FIG4: variants seen among roughly 807,000 people sequenced by gnomAD.
The protein encoded by FIG4 is polyphosphoinositide phosphatase.
Under a neutral mutation model 118.6 loss-of-function variants are expected in FIG4, and 112 were observed. That is an observed-to-expected ratio of 0.94 (90% CI 0.81 to 1.11). FIG4 has a LOEUF of 1.11. Among genes scored for constraint, FIG4 ranks in the 50% least tolerant of loss-of-function variants. The pLI is 0.00. For missense variants in FIG4, 969 were observed against 1,111.7 expected (o/e 0.87, Z 1.83); for synonymous variants, 369 against 381.2 (o/e 0.97, Z 0.37).
intron 12 of FIG4, among the ~76,000 whole-genome samples, chr6:109,762,670 T>C (rs975861873): frequency 6.6e-6 from 1 of 151,698 alleles, no homozygotes; most frequent in Non-Finnish European, 1.5e-5. Context: ...ATTTATGGCA[T>C]TTTATTTTCA....
intron 21 of FIG4, among the ~76,000 whole-genome samples, chr6:109,793,168 G>T (rs1030516249): frequency 1.3e-5 from 2 of 152,198 alleles, no homozygotes; most frequent in Non-Finnish European, 2.9e-5. Flanking sequence ...ATGCATGCAG[G>T]TATCTGCACT....
intron 15 of FIG4, among the ~76,000 whole-genome samples, chr6:109,769,323 G>A (rs541371755): frequency 6.6e-6 from 1 of 152,110 alleles, no homozygotes; most frequent in Admixed American, 6.5e-5. Flanking sequence ...AAAAGATAAA[G>A]ATATTCTGAG....
intron 9 of FIG4, 60 bp from the exon 10 acceptor site, chr6:109,743,614 CT>C: frequency 1.6e-6 from 2 of 1,277,282 alleles, no homozygotes; most frequent in Non-Finnish European, 2.3e-6. Context: ...CAACCCTATG[CT>C]TCTTTTATTT....
Position 109,765,404 on chromosome 6 carries a change from T to C in FIG4, c.1583+243T>C, listed in dbSNP as rs369115929. Among the ~76,000 whole-genome samples the C allele has an allele frequency of 1.3e-3, 192 of 152,310 alleles. 1 individual carries two copies. The South Asian group carries it at 0.022, about 17-fold the overall frequency. The stretch of plus-strand genomic sequence containing the variant: ...TTTTTGTATACGTTAAGAGACGGGT[T>C]CAGTTTCATTCTTCAGCATATGAAT... On this transcript the variant is annotated intron_variant, in intron 14 of 22. Coordinates refer to ENST00000230124, the MANE Select transcript of FIG4 (RefSeq NM_014845.6).
intron 5 of FIG4, among the ~76,000 whole-genome samples, chr6:109,734,583 T>C (rs952455370): frequency 2.0e-5 from 3 of 151,856 alleles, no homozygotes; most frequent in Non-Finnish European, 2.9e-5. Flanking sequence ...AAAATTGTAA[T>C]GAAATTTAAT....
chr6:109,713,306 G>A (rs1186467739), intron 1 of FIG4, among the ~76,000 whole-genome samples: 3 of 152,242 alleles, frequency 2.0e-5, no homozygotes, highest in South Asian at 2.1e-4. Flanking sequence ...AGGCAGCATG[G>A]CTGAGGGGGC....
In FIG4 at chr6:109,796,774, G is replaced by A. The variant is rs768773104; in HGVS notation, c.2469G>A (p.Gln823=). 1 of 1,605,932 alleles carries A rather than the reference G, an allele frequency of 6.2e-7. No individual in the cohort carries two copies. The highest frequency in any genetic ancestry group is 8.5e-7 in the Non-Finnish European group (1 of 1,172,560). The part of the protein sequence containing the change: ...EDFSIYSRFV[Q]LGQSQHKQDK... ...CCATTGTAATTTGTAGATTTGTTCAGCTGGGGCAGAGTCAACATAAACAAG... is the reference window on the plus strand; with the variant it reads ...CCATTGTAATTTGTAGATTTGTTCAACTGGGGCAGAGTCAACATAAACAAG... Residue 823 remains glutamine, a synonymous_variant, in exon 22 of 23, where the codon CAG becomes CAA. Transcript: ENST00000230124.
intron 1 of FIG4, among the ~76,000 whole-genome samples, chr6:109,713,897 CAGACCA>C (rs1775348036): frequency 6.6e-6 from 1 of 152,124 alleles, no homozygotes; most frequent in African/African-American, 2.4e-5. Context: ...GAGAGGTCAG[CAGACCA>C]AGGGGTGCTC....
At chr6:109,818,515 T>TA (rs1166671282) in intron 22 of FIG4, among the ~76,000 whole-genome samples, 1 of 152,196 alleles carries the variant, frequency 6.6e-6, no homozygotes, top group African/African-American at 2.4e-5. Flanking sequence ...TAATTTTTAT[T>TA]ACAGAATATT....
intron 21 of FIG4, among the ~76,000 whole-genome samples, chr6:109,796,252 T>C (rs1382706870): frequency 6.6e-6 from 1 of 152,212 alleles, no homozygotes; most frequent in African/African-American, 2.4e-5. Flanking sequence ...GGGATTCTTG[T>C]GGTCCAGAGG....
At chr6:109,728,071 G>A (rs1377053249) in intron 4 of FIG4, among the ~76,000 whole-genome samples, 1 of 152,186 alleles carries the variant, frequency 6.6e-6, no homozygotes, top group Non-Finnish European at 1.5e-5. Context: ...TCTTGAATCA[G>A]TATTTAAATT....
chr6:109,740,964 A>G (rs1583668885), intron 7 of FIG4, among the ~76,000 whole-genome samples: 1 of 152,234 alleles, frequency 6.6e-6, no homozygotes, highest in East Asian at 1.9e-4. Flanking sequence ...AGTGCCACAC[A>G]CTTGCAAACA....
chr6:109,755,045 A>G (rs1361751850), intron 10 of FIG4, among the ~76,000 whole-genome samples: 1 of 150,798 alleles, frequency 6.6e-6, no homozygotes, highest in Admixed American at 6.6e-5. Flanking sequence ...TCAATTTTGG[A>G]TCTTTCCTTC....
At chr6:109,725,779 A>G (rs1212963303) in intron 3 of FIG4, among the ~76,000 whole-genome samples, 2 of 152,136 alleles carry the variant, frequency 1.3e-5, no homozygotes, top group African/African-American at 4.8e-5. Flanking sequence ...TGACTTTTAA[A>G]TGATTTCCAT....
At chr6:109,816,521 T>C (rs183919940) in intron 22 of FIG4, among the ~76,000 whole-genome samples, 41 of 152,298 alleles carry the variant, frequency 2.7e-4, no homozygotes, top group African/African-American at 9.4e-4. Context: ...CACGTATCAC[T>C]ATCAGGTCAT....
chr6:109,716,421 C>T, intron 2 of FIG4, 24 bp from the exon 3 acceptor site: 2 of 1,612,068 alleles, frequency 1.2e-6, no homozygotes, highest in Non-Finnish European at 1.7e-6. Context: ...CACAACCTTA[C>T]AGAGTAAATG....
chr6:109,755,176 G>A (rs1287679000), intron 10 of FIG4, among the ~76,000 whole-genome samples: 2 of 152,108 alleles, frequency 1.3e-5, no homozygotes, highest in Admixed American at 6.5e-5. Flanking sequence ...CTTTATTTCT[G>A]CCTTCATTTC....
chr6:109,769,195 C>A (rs909161201), intron 15 of FIG4, among the ~76,000 whole-genome samples: 1 of 151,872 alleles, frequency 6.6e-6, no homozygotes, highest in East Asian at 1.9e-4. Context: ...CTCCGCCTCC[C>A]GGGTTCAAGC....
intron 10 of FIG4, among the ~76,000 whole-genome samples, chr6:109,752,781 T>C (rs1262589020): frequency 4.6e-5 from 7 of 152,150 alleles, no homozygotes; most frequent in African/African-American, 7.2e-5. Context: ...TTCTCCCATT[T>C]TGTAGGTTGC....
Sources: gnomAD v4.1 joint callset for allele counts (sites outside exome capture counted in the v4.1 genomes callset) on GRCh38, gnomAD v4.1.1 for gene constraint, MANE v1.5 for transcripts, NCBI Gene and HGNC (gene_info 2026-07-23, HGNC 2026-07-21) for gene names.